Variants in TEX19 observed in about 807,000 individuals in gnomAD.
TEX19 encodes testis-expressed protein 19.
For synonymous variants in TEX19, 77 were observed against 73.9 expected, an observed-to-expected ratio of 1.04 and a Z score of -0.21; for missense variants, 184 against 194.4, an observed-to-expected ratio of 0.95 and a Z score of 0.32.
intron 1 of TEX19, chr17:82,361,654 A>G (rs113937230): frequency 0.049 from 47,827 of 984,652 alleles, 1,245 homozygotes; most frequent in African/African-American, 0.095. Flanking sequence ...TGTCAGGTGA[A>G]GCTGATGGGC....
intron 1 of TEX19, 60 bp downstream of exon 1, chr17:82,359,345 G>A (rs1202695793): frequency 3.3e-5 from 5 of 152,438 alleles, no homozygotes; most frequent in African/African-American, 1.2e-4. Context: ...CCTGGTGCTG[G>A]GTGAGGGGTT....
Position 82,362,796 on chromosome 17 carries a change from C to A in TEX19, c.*151C>A. 1 of 980,324 alleles carries A rather than the reference C, an allele frequency of 1.0e-6. No homozygotes were observed. Among genetic ancestry groups the A allele is most frequent in the Non-Finnish European group, 1.4e-6 (1 of 690,298 alleles). 60.7% of individuals were successfully genotyped at this position (980,324 alleles called of 1,614,324 possible). On this transcript the variant is annotated 3_prime_UTR_variant, in exon 2 of 2. Coordinates refer to ENST00000333437, the MANE Select transcript of TEX19 (RefSeq NM_207459.4). This position sits in a 1 kb window ranked among gnomAD's most constrained non-coding sequence, Gnocchi z 5.5. Reference sequence around the variant, plus strand: ...GGGCTGCTATGATACCATCTACCTACAGAAGATGACCCCAGACAGGGCCCT... The same window carrying A: ...GGGCTGCTATGATACCATCTACCTAAAGAAGATGACCCCAGACAGGGCCCT...
rs2052399149 is a variant in TEX19 at position 82,362,078 on chromosome 17, G to A, written c.-73G>A. ...GCATCCTACTGGCCTCAGCACCTGT[G>A]GCCAGACCGTCCAAGATCCTCTGAA... On this transcript the variant is annotated 5_prime_UTR_variant, in exon 2 of 2. Transcript: ENST00000333437. The surrounding 1 kb of genome is among the most constrained non-coding windows in gnomAD (Gnocchi z 5.5). 1 of 1,536,568 alleles carries A rather than the reference G, an allele frequency of 6.5e-7. No homozygotes were observed. The highest frequency in any genetic ancestry group is 1.3e-5 in the South Asian group (1 of 79,138).
chr17:82,362,128 G>A lies in TEX19; in HGVS notation c.-23G>A, dbSNP rs776725496. On this transcript the variant is annotated 5_prime_UTR_variant, in exon 2 of 2. Transcript: ENST00000333437. This position sits in a 1 kb window ranked among gnomAD's most constrained non-coding sequence, Gnocchi z 5.5. ...AGGCCCAGCTCTTGCTGTCCACCCCGGCAGTAGGCAGGCAGCCTGGCCATG... is the reference window on the plus strand; with the variant it reads ...AGGCCCAGCTCTTGCTGTCCACCCCAGCAGTAGGCAGGCAGCCTGGCCATG... The A allele has an allele frequency of 9.5e-6, 15 of 1,581,612 alleles. No individual in the cohort carries two copies. The highest frequency in any genetic ancestry group is 1.7e-5 in the Admixed American group (1 of 58,410).
At chr17:82,361,704 CG>C in intron 1 of TEX19, 175 bp from the exon 2 acceptor site, 1 of 985,354 alleles carries the variant, frequency 1.0e-6, no homozygotes, top group Non-Finnish European at 1.2e-6. Flanking sequence ...CTGATGAGCC[CG>C]GGGAGGTCGG....
In TEX19 at chr17:82,362,718, G is replaced by C; in HGVS notation, c.*73G>C. 1.3e-6 allele frequency: 2 copies of C among 1,501,372 alleles called. No individual in the cohort carries two copies. Among genetic ancestry groups the C allele is most frequent in the Non-Finnish European group, 1.8e-6 (2 of 1,125,512 alleles). The allele number at this position is 1,501,372 out of a possible 1,614,324, so 93.0% of individuals were successfully genotyped here. A position where few individuals can be genotyped will look rare whatever the true frequency, so the allele number is the denominator to read the frequency against. ...GAAGCTGGGCATTACCTGGGCAGTG[G>C]ACCCTGCCGAGGCTGAGGCCTAGTT... is the stretch of plus-strand genomic sequence containing the variant. On this transcript the variant is annotated 3_prime_UTR_variant, in exon 2 of 2. Transcript: ENST00000333437. The surrounding 1 kb of genome is among the most constrained non-coding windows in gnomAD (Gnocchi z 5.5).
In TEX19 at chr17:82,362,390, G is replaced by A. The variant is rs368172923; in HGVS notation, c.240G>A (p.Glu80=). Residue 80 remains glutamate (E), a synonymous_variant, in exon 2 of 2, where the codon GAG becomes GAA. Coordinates refer to ENST00000333437, the MANE Select transcript of TEX19 (RefSeq NM_207459.4). The surrounding 1 kb of genome is among the most constrained non-coding windows in gnomAD (Gnocchi z 5.5). ...ESEQEGSSGM[E]LSWGQSPGQP... The stretch of plus-strand genomic sequence containing the variant: ...AGCAGGAGGGGTCCTCAGGGATGGA[G>A]CTGAGCTGGGGGCAGAGCCCAGGAC... The A allele has an allele frequency of 1.9e-6, 3 of 1,613,336 alleles. No individual in the cohort carries two copies. Among genetic ancestry groups the A allele is most frequent in the Non-Finnish European group, 2.5e-6 (3 of 1,180,012 alleles).
At chr17:82,360,778 T>G (rs2052381963) in intron 1 of TEX19, among the ~76,000 whole-genome samples, 5 of 107,000 alleles carry the variant, frequency 4.7e-5, no homozygotes, top group African/African-American at 7.7e-5. Flanking sequence ...TTCCCTCAAG[T>G]TTCCCTCAGG....
chr17:82,362,757 C>A lies in TEX19; in HGVS notation c.*112C>A. On this transcript the variant is annotated 3_prime_UTR_variant, in exon 2 of 2. Transcript: ENST00000333437. The surrounding 1 kb of genome is among the most constrained non-coding windows in gnomAD (Gnocchi z 5.5). Reference sequence around the variant, plus strand: ...TGAGGCCTAGTTACTGGCCCTGCAGCTTGTCTCCATGGTGGGCTGCTATGA... The same window carrying A: ...TGAGGCCTAGTTACTGGCCCTGCAGATTGTCTCCATGGTGGGCTGCTATGA... 1 of 1,343,282 alleles carries A rather than the reference C, an allele frequency of 7.4e-7. No homozygotes were observed. The allele number at this position is 1,343,282 out of a possible 1,614,324, so 83.2% of individuals were successfully genotyped here.
Position 82,360,328 on chromosome 17 carries a change from T to C in TEX19, c.-272+1043T>C, listed in dbSNP as rs866700855. Among the ~76,000 whole-genome samples, 11 of 42,050 alleles carry C rather than the reference T, an allele frequency of 2.6e-4. No homozygotes were observed. In the South Asian group the frequency reaches 2.9e-3, roughly 11 times the overall value. 27.6% of individuals were successfully genotyped at this position (42,050 alleles called of 152,430 possible). A position where few individuals can be genotyped will look rare whatever the true frequency, so the allele number is the denominator to read the frequency against. ...TTCCCCCAGTTTCCCTCAGGTTCCC[T>C]CAGTTTCCCTCAGGTTCCCCCAGTT... On this transcript the variant is annotated intron_variant, in intron 1 of 1. Coordinates refer to ENST00000333437, the MANE Select transcript of TEX19 (RefSeq NM_207459.4).
chr17:82,362,954 A>T lies in TEX19; in HGVS notation c.*309A>T. 3.2e-6 allele frequency: 1 copy of T among 312,256 alleles called. No individual in the cohort carries two copies. 19.3% of individuals were successfully genotyped at this position (312,256 alleles called of 1,614,324 possible). On this transcript the variant is annotated 3_prime_UTR_variant, in exon 2 of 2. Transcript: ENST00000333437. This position sits in a 1 kb window ranked among gnomAD's most constrained non-coding sequence, Gnocchi z 5.5. ...GCATTCTAGAAACATCGTTAACAGG[A>T]CACAGGGCAGAGCTGGTCCCTGCAG...
rs146250166 is a variant in TEX19 at position 82,362,205 on chromosome 17, G to A, written c.55G>A (p.Ala19Thr). 481 of 1,613,518 alleles carry A rather than the reference G, an allele frequency of 3.0e-4. No homozygotes were observed. In the African/African-American group the frequency reaches 5.6e-3, roughly 19 times the overall value. The part of the protein sequence containing the change: ...YEEEGMSYLY[A>T]SWMYQLQHGD... ...GGAAGAGGGCATGTCCTACCTCTAC[G>A]CCTCCTGGATGTATCAGCTTCAACA... is the stretch of plus-strand genomic sequence containing the variant. The change falls in exon 2 of 2, where the codon GCC becomes ACC. Residue 19 changes from alanine to threonine, a missense_variant. By Grantham distance (58) the Ala-to-Thr change is moderately conservative. Transcript: ENST00000333437. This position sits in a 1 kb window ranked among gnomAD's most constrained non-coding sequence, Gnocchi z 5.5.
At position 82,362,849 on chromosome 17, in the gene TEX19, G is replaced by T; in HGVS notation, c.*204G>T. On this transcript the variant is annotated 3_prime_UTR_variant, in exon 2 of 2. Coordinates refer to ENST00000333437, the MANE Select transcript of TEX19 (RefSeq NM_207459.4). The surrounding 1 kb of genome is among the most constrained non-coding windows in gnomAD (Gnocchi z 5.5). The stretch of plus-strand genomic sequence containing the variant: ...GGACCCCAGGGCAGCACTGGAAATT[G>T]CTGCTGGAGCCTGGTGAAGTGTGGG... 1 of 591,356 alleles carries T rather than the reference G, an allele frequency of 1.7e-6. No homozygotes were observed. The highest frequency in any genetic ancestry group is 2.8e-6 in the Non-Finnish European group (1 of 355,390). 36.6% of individuals were successfully genotyped at this position (591,356 alleles called of 1,614,324 possible). A position where few individuals can be genotyped will look rare whatever the true frequency, so the allele number is the denominator to read the frequency against.
At chr17:82,360,593 A>G (rs1440355377) in intron 1 of TEX19, among the ~76,000 whole-genome samples, 3 of 101,618 alleles carry the variant, frequency 3.0e-5, no homozygotes, top group Non-Finnish European at 5.6e-5. Context: ...AGTTTCCCTC[A>G]GGTTCCCCCA....
intron 1 of TEX19, among the ~76,000 whole-genome samples, chr17:82,361,164 C>T (rs193241900): frequency 0.065 from 5,554 of 84,820 alleles, no homozygotes; most frequent in South Asian, 0.13. Flanking sequence ...GCCAGTTTCC[C>T]TCAGGTTCCC....
intron 1 of TEX19, chr17:82,361,660 T>A (rs2052395808): frequency 1.0e-6 from 1 of 985,248 alleles, no homozygotes; most frequent in South Asian, 4.7e-5. Context: ...GTGAAGCTGA[T>A]GGGCTGTTGG....
intron 1 of TEX19, among the ~76,000 whole-genome samples, chr17:82,360,534 T>G (rs1279932846): frequency 2.3e-5 from 2 of 87,672 alleles, no homozygotes; most frequent in African/African-American, 5.2e-5. Flanking sequence ...GTTCCCCCAG[T>G]TTCCCTCAGT....
At chr17:82,359,738 C>T (rs2052363209) in intron 1 of TEX19, among the ~76,000 whole-genome samples, 1 of 150,200 alleles carries the variant, frequency 6.7e-6, no homozygotes, top group African/African-American at 2.5e-5. Context: ...CCTCAGTTTC[C>T]CTCAGGTTCC....
rs868379216 is a variant in TEX19, at chr17:82,359,545, T to C, written c.-272+260T>C. On this transcript the variant is annotated intron_variant, in intron 1 of 1. Transcript: ENST00000333437. ...TTCCCTCAGTTTCCCTCAGGTTCCC[T>C]CAGTTTCCCTCAAGTTTCCCTCAGT... Among the ~76,000 whole-genome samples the C allele has an allele frequency of 2.1e-4, 18 of 85,210 alleles. 1 individual carries two copies. The highest frequency in any genetic ancestry group is 4.2e-4 in the African/African-American group (9 of 21,640). The allele number at this position is 85,210 out of a possible 152,430, so 55.9% of individuals were successfully genotyped here.
Sources: allele counts gnomAD v4.1 joint callset (sites outside exome capture counted in the v4.1 genomes callset), GRCh38; gene constraint gnomAD v4.1.1; non-coding constraint Gnocchi (gnomAD v3.1); transcripts MANE v1.5; gene names NCBI Gene and HGNC (gene_info 2026-07-23, HGNC 2026-07-21).